The following A2ML1 variants were observed in gnomAD, a reference collection of about 807,000 sequenced individuals.
A2ML1 encodes the protein alpha-2-macroglobulin like 1, also known as alpha-2-macroglobulin-like protein 1.
Under a neutral mutation model 181.9 loss-of-function variants are expected in A2ML1, and 161 were observed. That is an observed-to-expected ratio of 0.89 (90% CI 0.78 to 1.01). The LOEUF is 1.01. Among genes scored for constraint, A2ML1 ranks in the 50% least tolerant of loss-of-function variants. The pLI is 0.00. For missense variants in A2ML1, 1,670 were observed against 1,768.1 expected, an observed-to-expected ratio of 0.94 and a Z score of 1.00; for synonymous variants, 663 against 666.8, an observed-to-expected ratio of 0.99 and a Z score of 0.09.
At chr12:8,870,460 G>T (rs56290507) in intron 33 of A2ML1, among the ~76,000 whole-genome samples, 28 of 152,094 alleles carry the variant, frequency 1.8e-4, no homozygotes, top group African/African-American at 6.5e-4. Flanking sequence ...CTAGAGACAG[G>T]GTTTCACCGT....
Position 8,823,348 on chromosome 12 carries a change from C to T in A2ML1, c.229C>T (p.His77Tyr). ...CTCTGGACTGAAGAAGAGGCACTTACATTGTATCTCCTTTCTTGTAAGCAC... is the reference window on the plus strand; with the variant it reads ...CTCTGGACTGAAGAAGAGGCACTTATATTGTATCTCCTTTCTTGTAAGCAC... ...EYSGLKKRHLHCISFLVPPPA... is the reference protein window; with the variant it reads ...EYSGLKKRHLYCISFLVPPPA... Residue 77 changes from histidine to tyrosine, a missense_variant, in exon 2 of 36, where the codon CAT becomes TAT. His to Tyr is a moderately conservative substitution (Grantham distance 83). Coordinates refer to ENST00000299698, the MANE Select transcript of A2ML1 (RefSeq NM_144670.6). 6.2e-7 allele frequency: 1 copy of T among 1,613,818 alleles called. No homozygotes were observed. Among genetic ancestry groups the T allele is most frequent in the African/African-American group, 1.3e-5 (1 of 75,040 alleles).
In A2ML1 at chr12:8,857,211, A is replaced by G; in HGVS notation, c.2896A>G (p.Met966Val). Residue 966 changes from methionine to valine, a missense_variant, in exon 24 of 36, where the codon ATG becomes GTG. Physicochemically the swap from Met to Val is conservative, Grantham distance 21 (BLOSUM62 1). Coordinates refer to ENST00000299698, the MANE Select transcript of A2ML1 (RefSeq NM_144670.6). ...ALQNLDGLVQ[M>V]PSGCGEQNMV... Reference sequence around the variant, plus strand: ...GCAGAACCTGGATGGTCTGGTGCAGATGCCCAGTGGCTGTGGCGAGCAGAA... The same window carrying G: ...GCAGAACCTGGATGGTCTGGTGCAGGTGCCCAGTGGCTGTGGCGAGCAGAA... 1 of 1,612,962 alleles carries G rather than the reference A, an allele frequency of 6.2e-7. No individual in the cohort carries two copies. Among genetic ancestry groups the G allele is most frequent in the Non-Finnish European group, 8.5e-7 (1 of 1,180,010 alleles).
At chr12:8,842,976 T>C (rs1010675062) in intron 11 of A2ML1, among the ~76,000 whole-genome samples, 158 bp from the exon 12 acceptor site, 2 of 152,198 alleles carry the variant, frequency 1.3e-5, no homozygotes, top group South Asian at 2.1e-4. Flanking sequence ...ATGGATTCTT[T>C]ATCCATCCTT....
chr12:8,850,312 G>A, intron 18 of A2ML1, 38 bp downstream of exon 18: 1 of 1,524,536 alleles, frequency 6.6e-7, no homozygotes, highest in South Asian at 1.2e-5. Context: ...AGGGCCAGGT[G>A]CATGGCTCAC....
At position 8,822,712 on chromosome 12, in the gene A2ML1, C is replaced by G. The variant is rs749520022; in HGVS notation, c.61C>G (p.Pro21Ala). 4.5e-5 allele frequency: 72 copies of G among 1,614,008 alleles called. No individual in the cohort carries two copies. The South Asian group carries it at 6.8e-4, about 15-fold the overall frequency. Residue 21 changes from proline to alanine, a missense_variant and splice_region_variant, in exon 1 of 36, where the codon CCA becomes GCA. Pro to Ala is a conservative substitution (Grantham distance 27, BLOSUM62 -1). Coordinates refer to ENST00000299698, the MANE Select transcript of A2ML1 (RefSeq NM_144670.6). ...ALSPAIAEEL[P>A]NYLVTLPARL... is the part of the protein sequence containing the mutation. ...ATCACCAGCCATTGCAGAAGAACTT[C>G]CGTGAGTGCTTGGTGTCAGAATTGG...
intron 29 of A2ML1, among the ~76,000 whole-genome samples, chr12:8,864,290 A>G (rs1173545675): frequency 1.2e-5 from 1 of 80,064 alleles, no homozygotes; most frequent in South Asian, 6.1e-4. Flanking sequence ...AGGCAGGCGG[A>G]TCACCTGAGG....
At chr12:8,863,685 T>A in intron 28 of A2ML1, 109 bp from the exon 29 acceptor site, 1 of 1,093,266 alleles carries the variant, frequency 9.1e-7, no homozygotes, top group Non-Finnish European at 1.3e-6. Flanking sequence ...TCTACTCTGT[T>A]TAATTCTCAG....
In A2ML1 at chr12:8,851,979, C is replaced by T. The variant is rs748036315; in HGVS notation, c.2430C>T (p.Ala810=). 6.8e-6 allele frequency: 11 copies of T among 1,614,068 alleles called. No individual in the cohort carries two copies. The highest frequency in any genetic ancestry group is 8.5e-6 in the Non-Finnish European group (10 of 1,180,036). ...VVRGESFRLT[A]TIFNYLKDCI... is the part of the protein sequence containing the mutation. ...GTGGGGAATCCTTTCGTCTTACTGC[C>T]ACCATCTTCAATTACCTAAAGGATT... The change falls in exon 19 of 36, where the codon GCC becomes GCT. Residue 810 remains alanine, a synonymous_variant. Transcript: ENST00000299698.
intron 10 of A2ML1, among the ~76,000 whole-genome samples, chr12:8,840,603 G>A (rs777155417): frequency 2.6e-4 from 40 of 152,002 alleles, no homozygotes; most frequent in South Asian, 6.2e-4. Context: ...TAGGGGATTC[G>A]CTTTAAGAAA....
chr12:8,855,885 A>G (rs1009787459), intron 23 of A2ML1, among the ~76,000 whole-genome samples: 4 of 152,182 alleles, frequency 2.6e-5, no homozygotes, highest in African/African-American at 9.6e-5. Context: ...GGAAAACAGA[A>G]TATTTGCAGC....
At chr12:8,860,732 A>G (rs1243030941) in intron 26 of A2ML1, 149 bp from the exon 27 acceptor site, 8 of 674,666 alleles carry the variant, frequency 1.2e-5, no homozygotes, top group Non-Finnish European at 2.0e-5. Flanking sequence ...TTGGAGCTGC[A>G]GAAAGCCTGT....
At chr12:8,828,398 G>A (rs953546981) in intron 3 of A2ML1, among the ~76,000 whole-genome samples, 1 of 152,100 alleles carries the variant, frequency 6.6e-6, no homozygotes, top group Non-Finnish European at 1.5e-5. Context: ...AGGCCCACAG[G>A]AGTACTGCCT....
At position 8,864,674 on chromosome 12, in the gene A2ML1, CCTT is replaced by C. The variant is rs1293080746; in HGVS notation, c.3717+672_3717+674del. On this transcript the variant is annotated intron_variant, in intron 29 of 35. Transcript: ENST00000299698. ...GATTCATGGGCACATATCCTTCTAT[CCTT>C]CTTCTGCTATTGCAGGTATTAGAAA... Among the ~76,000 whole-genome samples, 2 of 15,156 alleles carry C rather than the reference CCTT, an allele frequency of 1.3e-4. 1 individual carries two copies. Among genetic ancestry groups the C allele is most frequent in the African/African-American group, 1.4e-4 (2 of 14,258 alleles). 9.9% of individuals were successfully genotyped at this position (15,156 alleles called of 152,430 possible). A position where few individuals can be genotyped will look rare whatever the true frequency, so the allele number is the denominator to read the frequency against.
Position 8,842,111 on chromosome 12 carries a change from A to C in A2ML1, c.1248+575A>C, listed in dbSNP as rs763152791. On this transcript the variant is annotated intron_variant, in intron 11 of 35. Coordinates refer to ENST00000299698, the MANE Select transcript of A2ML1 (RefSeq NM_144670.6). ...TAAGCTGCTGCTCCGCATGCCTCTCATGCAGGAGCCAGCTAGCCCAGGTAT... is the reference window on the plus strand; with the variant it reads ...TAAGCTGCTGCTCCGCATGCCTCTCCTGCAGGAGCCAGCTAGCCCAGGTAT... Among the ~76,000 whole-genome samples the C allele has an allele frequency of 3.9e-5, 6 of 152,306 alleles. No homozygotes were observed. In the South Asian group the frequency reaches 1.0e-3, roughly 26 times the overall value.
Position 8,839,223 on chromosome 12 carries a change from G to T in A2ML1, c.1080+1G>T. ...TCCAAATTTCCCCTTCAGTGGGAAG[G>T]TATGTTAAAACTTTTCTCTGCATAG... On this transcript the variant is annotated splice_donor_variant, in intron 10 of 35. Transcript: ENST00000299698. LOFTEE classifies it high-confidence loss of function. The T allele has an allele frequency of 6.2e-7, 1 of 1,609,058 alleles. No homozygotes were observed. Among genetic ancestry groups the T allele is most frequent in the Non-Finnish European group, 8.5e-7 (1 of 1,176,094 alleles).
chr12:8,862,777 T>G (rs1944310418), intron 28 of A2ML1, among the ~76,000 whole-genome samples: 1 of 144,724 alleles, frequency 6.9e-6, no homozygotes, highest in South Asian at 2.3e-4. Flanking sequence ...TGGTTTATTG[T>G]GATGATCTCT....
rs767191970 is a variant in A2ML1, at chr12:8,868,422, T to G, written c.4061+65T>G. The G allele has an allele frequency of 2.4e-5, 35 of 1,441,914 alleles. No individual in the cohort carries two copies. The African/African-American group carries it at 4.0e-4, about 17-fold the overall frequency. 89.3% of individuals were successfully genotyped at this position (1,441,914 alleles called of 1,614,324 possible). A position where few individuals can be genotyped will look rare whatever the true frequency, so the allele number is the denominator to read the frequency against. Reference sequence around the variant, plus strand: ...GGTCATAGGAGCTGAGCTGGGACACTTGTGTGTGTGTGTGTCTGTGTATGT... The same window carrying G: ...GGTCATAGGAGCTGAGCTGGGACACGTGTGTGTGTGTGTGTCTGTGTATGT... On this transcript the variant is annotated intron_variant, in intron 31 of 35. Coordinates refer to ENST00000299698, the MANE Select transcript of A2ML1 (RefSeq NM_144670.6).
In A2ML1 at chr12:8,868,714, C is replaced by T. The variant is rs1944516664; in HGVS notation, c.4152+87C>T. 17 of 915,832 alleles carry T rather than the reference C, an allele frequency of 1.9e-5. No homozygotes were observed. The South Asian group carries it at 2.0e-4, about 11-fold the overall frequency. The allele number at this position is 915,832 out of a possible 1,614,324, so 56.7% of individuals were successfully genotyped here. On this transcript the variant is annotated intron_variant, in intron 32 of 35. Coordinates refer to ENST00000299698, the MANE Select transcript of A2ML1 (RefSeq NM_144670.6). ...AAAACTGGTAAAATGGGCATCATGG[C>T]GTGTATACACACACACACACAAGGC...
chr12:8,875,197 C>G (rs1168606258), intron 35 of A2ML1, among the ~76,000 whole-genome samples, 185 bp downstream of exon 35: 4 of 151,960 alleles, frequency 2.6e-5, no homozygotes, highest in Non-Finnish European at 5.9e-5. Flanking sequence ...CCTGCCTCAG[C>G]CTCCTGAGTT....
Sources: allele counts gnomAD v4.1 joint callset (sites outside exome capture counted in the v4.1 genomes callset), GRCh38; gene constraint gnomAD v4.1.1; transcripts MANE v1.5; gene names NCBI Gene and HGNC (gene_info 2026-07-23, HGNC 2026-07-21).